LDLRAD4: variants seen among roughly 807,000 people sequenced by gnomAD.
The protein encoded by LDLRAD4 is low density lipoprotein receptor class A domain containing 4.
LDLRAD4 carries 5 observed loss-of-function variants against 17.0 expected under a neutral mutation model. The ratio of observed to expected loss-of-function variants is 0.29; its 90% CI spans 0.15 to 0.62. LDLRAD4 has a LOEUF of 0.62. Among genes scored for constraint, LDLRAD4 ranks in the 20% least tolerant of loss-of-function variants. LDLRAD4 has a pLI of 0.84. For missense variants in LDLRAD4, 340 were observed against 424.7 expected, an observed-to-expected ratio of 0.80 and a Z score of 1.75; for synonymous variants, 168 against 171.8, an observed-to-expected ratio of 0.98 and a Z score of 0.17.
chr18:13,470,127 C>T (rs946563437), intron 3 of LDLRAD4, among the ~76,000 whole-genome samples: 29 of 152,106 alleles, frequency 1.9e-4, no homozygotes, highest in Non-Finnish European at 5.9e-5. Context: ...TTTGACATAG[C>T]GATAGACCGT....
intron 1 of LDLRAD4, among the ~76,000 whole-genome samples, chr18:13,259,047 A>C (rs1001070895): frequency 2.0e-5 from 3 of 152,232 alleles, no homozygotes; most frequent in Admixed American, 6.5e-5. Flanking sequence ...GGGATGACTG[A>C]GTATTCCTGA....
At chr18:13,531,455 A>G (rs990464374) in intron 3 of LDLRAD4, among the ~76,000 whole-genome samples, 7 of 151,920 alleles carry the variant, frequency 4.6e-5, no homozygotes, top group Non-Finnish European at 8.8e-5. Flanking sequence ...AAAAAAAAAA[A>G]AAAAAATAGG....
In LDLRAD4 at chr18:13,621,785, G is replaced by T. The variant is rs910249276; in HGVS notation, c.336+514G>T. ...CCTCGGGAGCTTCCTGGGGATCGGC[G>T]GTGGGGTTGTTGGCGGTGGGCTTGT... On this transcript the variant is annotated intron_variant, in intron 4 of 5. Transcript: ENST00000359446. The surrounding 1 kb of genome is among the most constrained non-coding windows in gnomAD (Gnocchi z 5.5). 1.3e-5 allele frequency among the ~76,000 whole-genome samples: 2 copies of T among 152,190 alleles called. No homozygotes were observed. Among genetic ancestry groups the T allele is most frequent in the Non-Finnish European group, 2.9e-5 (2 of 67,998 alleles).
chr18:13,562,228 G>A (rs2094549085), intron 3 of LDLRAD4, among the ~76,000 whole-genome samples: 1 of 152,186 alleles, frequency 6.6e-6, no homozygotes, highest in Non-Finnish European at 1.5e-5. Context: ...TGCTGTGAGG[G>A]TAAATGACAG....
intron 3 of LDLRAD4, among the ~76,000 whole-genome samples, chr18:13,479,972 G>T (rs970925309): frequency 6.6e-6 from 1 of 152,176 alleles, no homozygotes; most frequent in Non-Finnish European, 1.5e-5. Flanking sequence ...CTCATCTATG[G>T]CGGGGGGCAG....
At position 13,551,740 on chromosome 18, in the gene LDLRAD4, T is replaced by C. The variant is rs112425352; in HGVS notation, c.182-69377T>C. On this transcript the variant is annotated intron_variant, in intron 3 of 5. Coordinates refer to ENST00000359446, the Ensembl canonical transcript of LDLRAD4. Reference sequence around the variant, plus strand: ...GGGCTGAGAAGACCCTGACCTGCCATGAATATGGGCCTATCAAGTGAGCAG... The same window carrying C: ...GGGCTGAGAAGACCCTGACCTGCCACGAATATGGGCCTATCAAGTGAGCAG... Among the ~76,000 whole-genome samples the C allele has an allele frequency of 3.5e-3, 539 of 152,244 alleles. 2 individuals carry two copies. The highest frequency in any genetic ancestry group is 0.012 in the African/African-American group (511 of 41,536).
intron 1 of LDLRAD4, among the ~76,000 whole-genome samples, chr18:13,302,979 G>GGAAA (rs1275120335): frequency 1.3e-5 from 2 of 152,264 alleles, no homozygotes; most frequent in Non-Finnish European, 2.9e-5. Flanking sequence ...TGGTCCAAGA[G>GGAAA]GAAAGCTTTT....
intron 1 of LDLRAD4, among the ~76,000 whole-genome samples, chr18:13,356,217 G>T (rs962667543): frequency 3.9e-5 from 6 of 152,226 alleles, no homozygotes; most frequent in Non-Finnish European, 8.8e-5. Context: ...TCTGGGGCAG[G>T]CCACTGGGCA....
chr18:13,226,180 CTTTTTT>C (rs71174166), intron 1 of LDLRAD4, among the ~76,000 whole-genome samples: 3 of 52,188 alleles, frequency 5.7e-5, no homozygotes, highest in Non-Finnish European at 9.8e-5. Flanking sequence ...CCATGCCTTG[CTTTTTT>C]TTTTTTTTTT....
At chr18:13,549,746 G>A (rs1268387419) in intron 3 of LDLRAD4, among the ~76,000 whole-genome samples, 1 of 152,022 alleles carries the variant, frequency 6.6e-6, no homozygotes, top group East Asian at 1.9e-4. Flanking sequence ...TGCAGCTGGG[G>A]CAGCCTTATT....
intron 3 of LDLRAD4, among the ~76,000 whole-genome samples, chr18:13,594,395 A>C (rs1244456984): frequency 6.6e-6 from 1 of 152,130 alleles, no homozygotes; most frequent in Non-Finnish European, 1.5e-5. Context: ...ATTAATGCTG[A>C]AATACTAGTG....
At chr18:13,597,208 T>C (rs2095106156) in intron 3 of LDLRAD4, among the ~76,000 whole-genome samples, 1 of 152,218 alleles carries the variant, frequency 6.6e-6, no homozygotes. Flanking sequence ...TCACAGTCTT[T>C]TTAAATAAAT....
intron 1 of LDLRAD4, among the ~76,000 whole-genome samples, chr18:13,352,287 T>G (rs2083086120): frequency 6.6e-6 from 1 of 152,154 alleles, no homozygotes; most frequent in South Asian, 2.1e-4. Flanking sequence ...GAGAAAGAAA[T>G]AAAGAGTATT....
At position 13,622,910 on chromosome 18, in the gene LDLRAD4, C is replaced by T. The variant is rs975916183; in HGVS notation, c.336+1639C>T. On this transcript the variant is annotated intron_variant, in intron 4 of 5. Transcript: ENST00000359446. The surrounding 1 kb of genome is among the most constrained non-coding windows in gnomAD (Gnocchi z 5.3). Reference sequence around the variant, plus strand: ...CTCCAGAACGCTTGGGGTCTCTGTGCGCAGGCACACAGGGAGTTTTCTGTC... The same window carrying T: ...CTCCAGAACGCTTGGGGTCTCTGTGTGCAGGCACACAGGGAGTTTTCTGTC... 1.3e-4 allele frequency among the ~76,000 whole-genome samples: 20 copies of T among 152,182 alleles called. No individual in the cohort carries two copies. Among genetic ancestry groups the T allele is most frequent in the African/African-American group, 4.1e-4 (17 of 41,454 alleles).
At chr18:13,227,993 T>A (rs1458098257) in intron 1 of LDLRAD4, among the ~76,000 whole-genome samples, 1 of 152,242 alleles carries the variant, frequency 6.6e-6, no homozygotes, top group Non-Finnish European at 1.5e-5. Context: ...GCCCAGGTAC[T>A]GCAGGTGCAG....
At chr18:13,572,717 C>T (rs1836698277) in intron 3 of LDLRAD4, among the ~76,000 whole-genome samples, 1 of 152,174 alleles carries the variant, frequency 6.6e-6, no homozygotes, top group African/African-American at 2.4e-5. Flanking sequence ...TTGGGGCTTC[C>T]GAATTCTAGC....
chr18:13,219,069 C>CTT (rs5823242), intron 1 of LDLRAD4, 81 bp downstream of exon 1: 4,342 of 137,150 alleles, frequency 0.032, 126 homozygotes, highest in African/African-American at 0.068. Flanking sequence ...CTTGTTTAAA[C>CTT]TTTTTTTTTT....
chr18:13,542,207 C>T (rs927186972), intron 3 of LDLRAD4: 6 of 152,234 alleles, frequency 3.9e-5, no homozygotes, highest in African/African-American at 1.4e-4. Flanking sequence ...TCTGTCAATG[C>T]AGAGAACAAG....
At chr18:13,359,828 C>T (rs910069931) in intron 1 of LDLRAD4, among the ~76,000 whole-genome samples, 3 of 152,192 alleles carry the variant, frequency 2.0e-5, no homozygotes, top group Admixed American at 6.5e-5. Context: ...ACAGGCCAAC[C>T]GCAGCATTGC....
Sources: allele counts gnomAD v4.1 joint callset (sites outside exome capture counted in the v4.1 genomes callset), GRCh38; gene constraint gnomAD v4.1.1; non-coding constraint Gnocchi (gnomAD v3.1); transcripts MANE v1.5; gene names NCBI Gene and HGNC (gene_info 2026-07-23, HGNC 2026-07-21).